ZNF429: variants seen among roughly 807,000 people sequenced by gnomAD.
ZNF429 encodes the protein zinc finger protein 429.
ZNF429 carries 53 observed loss-of-function variants against 56.8 expected under a neutral mutation model. The ratio of observed to expected loss-of-function variants is 0.93; its 90% confidence interval spans 0.75 to 1.17. The LOEUF (loss-of-function observed/expected upper bound fraction) is 1.17, where lower values mean the gene tolerates loss of function less well. ZNF429 is among the 50% of genes most tolerant of loss of function. ZNF429 has a pLI of 0.00. For missense variants in ZNF429, 849 were observed against 788.4 expected (o/e 1.08, Z -0.92); for synonymous variants, 278 against 264.7 (o/e 1.05, Z -0.49).
intron 1 of ZNF429, chr19:21,505,977 C>T (rs1469383275): frequency 6.1e-6 from 3 of 492,592 alleles, no homozygotes; most frequent in Admixed American, 6.5e-5. Context: ...CCTGTCTTCC[C>T]TCCGCAGTGA....
chr19:21,517,756 A>G (rs1267420625), intron 1 of ZNF429, among the ~76,000 whole-genome samples: 1 of 140,244 alleles, frequency 7.1e-6, no homozygotes, highest in East Asian at 2.1e-4. Context: ...AGTTATTTGT[A>G]TTTTTGTGGG....
chr19:21,505,829 T>A lies in ZNF429; in HGVS notation c.3+55T>A, dbSNP rs2032111635. The A allele has an allele frequency of 5.0e-6, 8 of 1,596,190 alleles. No individual in the cohort carries two copies. In the Admixed American group the frequency reaches 1.4e-4, roughly 27 times the overall value. On this transcript the variant is annotated intron_variant, in intron 1 of 3. Coordinates refer to ENST00000358491, the MANE Select transcript of ZNF429 (RefSeq NM_001001415.4). ...GAGGGGGAGGGGCTGGTCGGAACCG[T>A]GAGAAGTGGCCGTGGCGGACTTAGG...
chr19:21,523,553 A>T (rs2033058542), intron 1 of ZNF429, among the ~76,000 whole-genome samples: 1 of 152,236 alleles, frequency 6.6e-6, no homozygotes, highest in African/African-American at 2.4e-5. Flanking sequence ...CCCATACTCT[A>T]AACCCTAACG....
At chr19:21,525,189 G>T (rs1001508490) in intron 1 of ZNF429, among the ~76,000 whole-genome samples, 1 of 152,070 alleles carries the variant, frequency 6.6e-6, no homozygotes, top group African/African-American at 2.4e-5. Context: ...ATGGACAGAA[G>T]AATTTTTATT....
At chr19:21,535,472 CT>C in intron 3 of ZNF429, among the ~76,000 whole-genome samples, 83 of 45,716 alleles carry the variant, frequency 1.8e-3, no homozygotes, top group Middle Eastern at 0.015. Context: ...TTCTTTCTTT[CT>C]TTCTTTCTTT....
chr19:21,527,332 C>T (rs1006729089), intron 1 of ZNF429, among the ~76,000 whole-genome samples: 12 of 152,166 alleles, frequency 7.9e-5, no homozygotes, highest in African/African-American at 2.9e-4. Context: ...GCCGGGGTTT[C>T]TAATTAGAAT....
chr19:21,537,921 G>T lies in ZNF429; in HGVS notation c.1868G>T (p.Cys623Phe). 6.2e-7 allele frequency: 1 copy of T among 1,613,956 alleles called. No individual in the cohort carries two copies. Among genetic ancestry groups the T allele is most frequent in the Non-Finnish European group, 8.5e-7 (1 of 1,179,950 alleles). ...KIHTREKPYK[C>F]EECAKAFTRS... ...CATACTAGAGAGAAACCTTACAAAT[G>T]TGAAGAATGTGCCAAAGCTTTTACC... is the stretch of plus-strand genomic sequence containing the variant. Residue 623 changes from cysteine (C) to phenylalanine (F), a missense_variant, in exon 4 of 4, where the codon TGT becomes TTT. Coordinates refer to ENST00000358491, the MANE Select transcript of ZNF429 (RefSeq NM_001001415.4).
intron 1 of ZNF429, among the ~76,000 whole-genome samples, chr19:21,513,832 C>A (rs748252283): frequency 7.2e-5 from 11 of 152,220 alleles, no homozygotes; most frequent in Admixed American, 5.2e-4. Context: ...CAGCTGCCAC[C>A]ACGTGATTCC....
intron 1 of ZNF429, among the ~76,000 whole-genome samples, chr19:21,510,513 G>T (rs6511256): frequency 0.81 from 122,990 of 152,158 alleles, 50,414 homozygotes; most frequent in African/African-American, 0.95. Flanking sequence ...ATAAAACAAT[G>T]GCTACTTCAC....
chr19:21,530,791 A>C, intron 3 of ZNF429, 107 bp downstream of exon 3: 1 of 882,600 alleles, frequency 1.1e-6, no homozygotes, highest in Non-Finnish European at 1.7e-6. Flanking sequence ...CAAAGAAAAT[A>C]TTTTCTGAAA....
rs1480780636 is a variant in ZNF429, at chr19:21,539,644, T to TG, written c.*1568dup. Reference sequence around the variant, plus strand: ...TGAGATTTCACCATTTTGTCCAGGGTGGTCTCAAACTCTTCATCTCAAGTG... The same window carrying TG: ...TGAGATTTCACCATTTTGTCCAGGGTGGGTCTCAAACTCTTCATCTCAAGTG... On this transcript the variant is annotated 3_prime_UTR_variant, in exon 4 of 4. Coordinates refer to ENST00000358491, the MANE Select transcript of ZNF429 (RefSeq NM_001001415.4). Among the ~76,000 whole-genome samples the TG allele has an allele frequency of 1.3e-5, 2 of 150,444 alleles. No individual in the cohort carries two copies. The highest frequency in any genetic ancestry group is 3.0e-5 in the Non-Finnish European group (2 of 67,780).
At chr19:21,512,419 G>A (rs1448595177) in intron 1 of ZNF429, among the ~76,000 whole-genome samples, 1 of 151,976 alleles carries the variant, frequency 6.6e-6, no homozygotes, top group Non-Finnish European at 1.5e-5. Context: ...CAGCACTTTG[G>A]AAGGCTGAGG....
At position 21,538,361 on chromosome 19, in the gene ZNF429, G is replaced by C. The variant is rs962191136; in HGVS notation, c.*283G>C. On this transcript the variant is annotated 3_prime_UTR_variant, in exon 4 of 4. Transcript: ENST00000358491. ...GCCTGCCTGTAATCCCAGCACTTTG[G>C]GAGGCCGAGGCGGGTGGATCACGAG... Among the ~76,000 whole-genome samples, 2 of 151,282 alleles carry C rather than the reference G, an allele frequency of 1.3e-5. No homozygotes were observed. The highest frequency in any genetic ancestry group is 4.9e-5 in the African/African-American group (2 of 41,196).
At chr19:21,531,174 A>C in intron 3 of ZNF429, among the ~76,000 whole-genome samples, 1 of 151,594 alleles carries the variant, frequency 6.6e-6, no homozygotes. Context: ...CCTACAGAGC[A>C]AAGTCCTGAA....
chr19:21,528,473 G>C (rs541410106), intron 1 of ZNF429, among the ~76,000 whole-genome samples: 27 of 152,216 alleles, frequency 1.8e-4, no homozygotes, highest in Non-Finnish European at 3.7e-4. Context: ...GGGAGGCCGT[G>C]GTGGGTGGAT....
intron 3 of ZNF429, among the ~76,000 whole-genome samples, chr19:21,536,021 T>G: frequency 6.6e-6 from 1 of 152,188 alleles, no homozygotes; most frequent in Non-Finnish European, 1.5e-5. Context: ...GTAACAGAAA[T>G]GTTTTTCATT....
chr19:21,519,730 G>T (rs114534321), intron 1 of ZNF429, among the ~76,000 whole-genome samples: 1,551 of 152,184 alleles, frequency 0.01, 33 homozygotes, highest in African/African-American at 0.036. Flanking sequence ...CTACCTATCG[G>T]TCTTTCCAGT....
chr19:21,536,281 T>A lies in ZNF429; in HGVS notation c.228T>A (p.Val76=). 1 of 1,562,312 alleles carries A rather than the reference T, an allele frequency of 6.4e-7. No individual in the cohort carries two copies. ...KRHEMVDEPP[V]VCSHFAEDFW... is the part of the protein sequence containing the mutation. ...TTTGTTGTTTTAATTTTATTTTAGTTGTGTGTTCTCATTTTGCTGAAGACT... is the reference window on the plus strand; with the variant it reads ...TTTGTTGTTTTAATTTTATTTTAGTAGTGTGTTCTCATTTTGCTGAAGACT... The change falls in exon 4 of 4, where the codon GTT becomes GTA. Residue 76 remains valine (V), a splice_region_variant and synonymous_variant. Transcript: ENST00000358491.
intron 1 of ZNF429, among the ~76,000 whole-genome samples, chr19:21,528,565 C>T (rs1284454072): frequency 3.3e-5 from 5 of 151,768 alleles, no homozygotes; most frequent in Admixed American, 1.3e-4. Context: ...ATTAGCCGGG[C>T]GTGGTGGCAG....
Sources: allele counts gnomAD v4.1 joint callset (sites outside exome capture counted in the v4.1 genomes callset), GRCh38; gene constraint gnomAD v4.1.1; transcripts MANE v1.5; gene names NCBI Gene and HGNC (gene_info 2026-07-23, HGNC 2026-07-21).